GPR157: variants seen among roughly 807,000 people sequenced by gnomAD.
GPR157 encodes the protein G-protein coupled receptor 157.
In GPR157, 16 loss-of-function variants were observed where a neutral mutation model predicts 23.5. The ratio of observed to expected loss-of-function variants is 0.68; its 90% CI spans 0.46 to 1.04. GPR157 has a LOEUF of 1.04. Among genes scored for constraint, GPR157 ranks in the 50% least tolerant of loss-of-function variants. The pLI, the probability that GPR157 is intolerant of heterozygous loss-of-function variation, is 0.00. For missense variants in GPR157, 440 were observed against 460.7 expected (o/e 0.96, Z 0.41); for synonymous variants, 200 against 221.5 (o/e 0.90, Z 0.86).
chr1:9,105,760 A>G lies in GPR157; in HGVS notation c.598-80T>C. 8.0e-7 allele frequency: 1 copy of G among 1,252,856 alleles called. No homozygotes were observed. Among genetic ancestry groups the G allele is most frequent in the South Asian group, 1.4e-5 (1 of 69,476 alleles). 77.6% of individuals were successfully genotyped at this position (1,252,856 alleles called of 1,614,324 possible). ...CCACCCAGGCTGCCCAGGTCTTCCCAGGGACTTGAACTAGCTCAGGGAGGT... is the reference window on the plus strand; with the variant it reads ...CCACCCAGGCTGCCCAGGTCTTCCCGGGGACTTGAACTAGCTCAGGGAGGT... On this transcript the variant is annotated intron_variant, in intron 2 of 3. Coordinates refer to ENST00000377411, the MANE Select transcript of GPR157 (RefSeq NM_024980.5). The surrounding 1 kb of genome is among the most constrained non-coding windows in gnomAD (Gnocchi z 4.8).
At chr1:9,123,259 TAA>T (rs1638849717) in intron 1 of GPR157, among the ~76,000 whole-genome samples, 1 of 26,078 alleles carries the variant, frequency 3.8e-5, no homozygotes, top group Non-Finnish European at 7.1e-5. Flanking sequence ...AATATATATT[TAA>T]ATATATATAT....
rs1638991443 is a variant in GPR157, at chr1:9,127,645, G to A, written c.383+1000C>T. On this transcript the variant is annotated intron_variant, in intron 1 of 3. Coordinates refer to ENST00000377411, the MANE Select transcript of GPR157 (RefSeq NM_024980.5). ...CAGCCGGCCTCAGTGCACAACTGAA[G>A]GTCAAGCGACTCTTACAGCCCTGTA... Among the ~76,000 whole-genome samples the A allele has an allele frequency of 2.0e-5, 3 of 152,232 alleles. No homozygotes were observed. The South Asian group carries it at 6.2e-4, about 32-fold the overall frequency.
Position 9,120,718 on chromosome 1 carries a change from G to A in GPR157, c.383+7927C>T, listed in dbSNP as rs1420312233. 3.3e-5 allele frequency among the ~76,000 whole-genome samples: 5 copies of A among 152,146 alleles called. No individual in the cohort carries two copies. Among genetic ancestry groups the A allele is most frequent in the Admixed American group, 6.5e-5 (1 of 15,270 alleles). On this transcript the variant is annotated intron_variant, in intron 1 of 3. Coordinates refer to ENST00000377411, the MANE Select transcript of GPR157 (RefSeq NM_024980.5). This position sits in a 1 kb window ranked among gnomAD's most constrained non-coding sequence, Gnocchi z 4.1. ...TGCACACTCATGCCCTAGTGCCACC[G>A]TCTGTAGCCCTCAGCTCAGGGATGG...
chr1:9,121,929 G>A (rs1371425901), intron 1 of GPR157, among the ~76,000 whole-genome samples: 2 of 152,154 alleles, frequency 1.3e-5, no homozygotes, highest in East Asian at 3.9e-4. Context: ...GCTCGGCCAG[G>A]ACGCTTCCTT....
chr1:9,116,055 C>T (rs1168335257), intron 1 of GPR157, among the ~76,000 whole-genome samples: 4 of 134,274 alleles, frequency 3.0e-5, no homozygotes, highest in Non-Finnish European at 6.1e-5. Context: ...TTGCCAACTT[C>T]CATGTGTAAA....
intron 1 of GPR157, among the ~76,000 whole-genome samples, chr1:9,114,962 T>C (rs1479005322): frequency 6.7e-6 from 1 of 148,810 alleles, no homozygotes; most frequent in Non-Finnish European, 1.5e-5. Context: ...AATATGGGCC[T>C]GATCAACAGG....
intron 3 of GPR157, 57 bp from the exon 4 acceptor site, chr1:9,104,691 G>T (rs529240571): frequency 4.6e-6 from 6 of 1,312,644 alleles, no homozygotes; most frequent in East Asian, 5.0e-5. Context: ...AGAAACACAC[G>T]CGCTGTTGCA....
chr1:9,105,778 AGGGAGGTAG>A lies in GPR157; in HGVS notation c.598-107_598-99del. On this transcript the variant is annotated intron_variant, in intron 2 of 3. Transcript: ENST00000377411. The surrounding 1 kb of genome is among the most constrained non-coding windows in gnomAD (Gnocchi z 4.8). ...TCTTCCCAGGGACTTGAACTAGCTC[AGGGAGGTAG>A]GGGAGATGTGTGGTGGAGCCCGGAT... 6.1e-6 allele frequency: 6 copies of A among 982,678 alleles called. No individual in the cohort carries two copies. The highest frequency in any genetic ancestry group is 9.1e-6 in the Non-Finnish European group (6 of 660,984). 60.9% of individuals were successfully genotyped at this position (982,678 alleles called of 1,614,324 possible).
intron 1 of GPR157, among the ~76,000 whole-genome samples, chr1:9,123,325 ATATATTT>A (rs1638860734): frequency 6.9e-5 from 2 of 28,864 alleles, no homozygotes; most frequent in Non-Finnish European, 1.4e-4. Context: ...ATTAAAATAT[ATATATTT>A]AATTTAAATA....
intron 2 of GPR157, 177 bp downstream of exon 2, chr1:9,111,099 A>T (rs1638479580): frequency 1.5e-6 from 1 of 671,096 alleles, no homozygotes; most frequent in Non-Finnish European, 2.7e-6. Context: ...GATCCGTGTA[A>T]CACAGCGTGT....
rs1177614210 is a variant in GPR157, at chr1:9,103,122, A to C, written c.*1297T>G. ...CCTTTTTTAAAAAAAAAAAAAAAAA[A>C]AAACTGACTCTGAAGCTTAAAACCT... On this transcript the variant is annotated 3_prime_UTR_variant, in exon 4 of 4. Transcript: ENST00000377411. The C allele has an allele frequency of 6.6e-6, 1 of 151,536 alleles. No individual in the cohort carries two copies. Among genetic ancestry groups the C allele is most frequent in the African/African-American group, 2.4e-5 (1 of 41,202 alleles). The allele number at this position is 151,536 out of a possible 1,614,324, so 9.4% of individuals were successfully genotyped here. A position where few individuals can be genotyped will look rare whatever the true frequency, so the allele number is the denominator to read the frequency against.
At chr1:9,110,968 A>T (rs1638475137) in intron 2 of GPR157, among the ~76,000 whole-genome samples, 1 of 152,200 alleles carries the variant, frequency 6.6e-6, no homozygotes, top group Non-Finnish European at 1.5e-5. Context: ...CCAAGGACAC[A>T]GCAGCCCTGT....
rs951605049 is a variant in GPR157 at position 9,102,764 on chromosome 1, C to G, written c.*1655G>C. The G allele has an allele frequency of 4.6e-5, 7 of 152,196 alleles. No homozygotes were observed. The highest frequency in any genetic ancestry group is 1.7e-4 in the African/African-American group (7 of 41,512). The allele number at this position is 152,196 out of a possible 1,614,324, so 9.4% of individuals were successfully genotyped here. ...ACAGAAGCTGTTTTCTGAAATAAGA[C>G]GAAAGCGTTTGTGGAAGACCCACAG... On this transcript the variant is annotated 3_prime_UTR_variant, in exon 4 of 4. Transcript: ENST00000377411.
intron 1 of GPR157, among the ~76,000 whole-genome samples, chr1:9,112,404 C>T (rs1174348544): frequency 6.6e-6 from 1 of 152,166 alleles, no homozygotes; most frequent in East Asian, 1.9e-4. Context: ...CAACGGGGAC[C>T]TTTGAAAACA....
At chr1:9,104,714 G>A (rs1249695787) in intron 3 of GPR157, 80 bp from the exon 4 acceptor site, 14 of 1,069,414 alleles carry the variant, frequency 1.3e-5, no homozygotes, top group Admixed American at 1.2e-4. Flanking sequence ...TAAGAGAAAC[G>A]GCTAGGCTGG....
rs1557700881 is a variant in GPR157, at chr1:9,123,352, AATTTAAATATATATTTAAATT to A, written c.383+5272_383+5292del. Among the ~76,000 whole-genome samples, 12 of 24,418 alleles carry A rather than the reference AATTTAAATATATATTTAAATT, an allele frequency of 4.9e-4. No individual in the cohort carries two copies. In the East Asian group the frequency reaches 0.015, roughly 31 times the overall value. The allele number at this position is 24,418 out of a possible 152,430, so 16.0% of individuals were successfully genotyped here. A position where few individuals can be genotyped will look rare whatever the true frequency, so the allele number is the denominator to read the frequency against. On this transcript the variant is annotated intron_variant, in intron 1 of 3. Coordinates refer to ENST00000377411, the MANE Select transcript of GPR157 (RefSeq NM_024980.5). ...ATATTTAATTTAAATATATATATTT[AATTTAAATATATATTTAAATT>A]AAATATATATATTTAATTTAAATAT...
chr1:9,128,567 C>T lies in GPR157; in HGVS notation c.383+78G>A. The T allele has an allele frequency of 7.2e-7, 1 of 1,382,702 alleles. No homozygotes were observed. Among genetic ancestry groups the T allele is most frequent in the Non-Finnish European group, 1.0e-6 (1 of 986,260 alleles). 85.7% of individuals were successfully genotyped at this position (1,382,702 alleles called of 1,614,324 possible). On this transcript the variant is annotated intron_variant, in intron 1 of 3. Coordinates refer to ENST00000377411, the MANE Select transcript of GPR157 (RefSeq NM_024980.5). The surrounding 1 kb of genome is among the most constrained non-coding windows in gnomAD (Gnocchi z 6.3). ...GGGTAGGGGGTGTCCAACCTAGACG[C>T]GGCCTCTGGGAGGGCAAGACCGGGA...
rs767545742 is a variant in GPR157, at chr1:9,111,193, C to CG, written c.597+82dup. On this transcript the variant is annotated intron_variant, in intron 2 of 3. Coordinates refer to ENST00000377411, the MANE Select transcript of GPR157 (RefSeq NM_024980.5). ...TCCCCAGAGACGCAACCTGTCCCCT[C>CG]GGGGGGCCAAACTCAATGCCAGGCC... The CG allele has an allele frequency of 7.4e-6, 10 of 1,348,854 alleles. No individual in the cohort carries two copies. In the Admixed American group the frequency reaches 7.5e-5, roughly 10 times the overall value. 83.6% of individuals were successfully genotyped at this position (1,348,854 alleles called of 1,614,324 possible). A position where few individuals can be genotyped will look rare whatever the true frequency, so the allele number is the denominator to read the frequency against.
At chr1:9,107,909 A>G (rs962888503) in intron 2 of GPR157, among the ~76,000 whole-genome samples, 1 of 152,156 alleles carries the variant, frequency 6.6e-6, no homozygotes, top group African/African-American at 2.4e-5. Flanking sequence ...CCTGGGCAAC[A>G]GAGCAAGACT....
Sources: gnomAD v4.1 joint callset for allele counts (sites outside exome capture counted in the v4.1 genomes callset) on GRCh38, gnomAD v4.1.1 for gene constraint, Gnocchi (gnomAD v3.1) non-coding constraint, MANE v1.5 for transcripts, NCBI Gene and HGNC (gene_info 2026-07-23, HGNC 2026-07-21) for gene names.